Variants in IQGAP1 observed in about 807,000 individuals in gnomAD.
IQGAP1 encodes the protein ras GTPase-activating-like protein IQGAP1.
IQGAP1 carries 66 observed loss-of-function variants against 215.6 expected under a neutral mutation model. The ratio of observed to expected loss-of-function variants is 0.31; its 90% CI spans 0.25 to 0.38. The LOEUF (loss-of-function observed/expected upper bound fraction) is 0.38. Ranked by LOEUF, IQGAP1 falls within the 10% of genes least tolerant of loss-of-function variation. IQGAP1 has a pLI of 1.00. For missense variants in IQGAP1, 1,712 were observed against 1,997.1 expected (o/e 0.86, Z 2.72); for synonymous variants, 772 against 728.7 (o/e 1.06, Z -0.96).
At chr15:90,492,870 A>C (rs1490319507) in intron 35 of IQGAP1, among the ~76,000 whole-genome samples, 159 bp downstream of exon 35, 1 of 152,168 alleles carries the variant, frequency 6.6e-6, no homozygotes, top group Non-Finnish European at 1.5e-5. Flanking sequence ...TAATTGCCTA[A>C]TTCCATTTGT....
At chr15:90,452,997 C>T (rs1965627488) in intron 12 of IQGAP1, 59 bp downstream of exon 12, 1 of 1,584,284 alleles carries the variant, frequency 6.3e-7, no homozygotes, top group Non-Finnish European at 8.6e-7. Context: ...GAGTGTAATA[C>T]CCACTTCTTC....
intron 2 of IQGAP1, among the ~76,000 whole-genome samples, chr15:90,402,530 G>C (rs1302008236): frequency 6.6e-6 from 1 of 152,234 alleles, no homozygotes; most frequent in Admixed American, 6.5e-5. Flanking sequence ...TGTTGGGGCA[G>C]CTGTTTGGGG....
At chr15:90,468,030 A>G (rs2238325) in intron 18 of IQGAP1, among the ~76,000 whole-genome samples, 64,456 of 151,742 alleles carry the variant, frequency 0.42, 15,674 homozygotes, top group African/African-American at 0.69. Flanking sequence ...CTTTGCTTAT[A>G]CTGTTCCATT....
At chr15:90,428,355 G>A (rs539589762) in intron 3 of IQGAP1, among the ~76,000 whole-genome samples, 1 of 152,128 alleles carries the variant, frequency 6.6e-6, no homozygotes, top group African/African-American at 2.4e-5. Flanking sequence ...AGGATTACAG[G>A]CATGAGCCAC....
chr15:90,469,545 G>A (rs1236108769), intron 18 of IQGAP1, among the ~76,000 whole-genome samples: 1 of 152,200 alleles, frequency 6.6e-6, no homozygotes, highest in Non-Finnish European at 1.5e-5. Flanking sequence ...GCATTGAGAA[G>A]ACAGAAATAT....
chr15:90,397,317 A>G (rs1002024598), intron 2 of IQGAP1, among the ~76,000 whole-genome samples: 1 of 152,174 alleles, frequency 6.6e-6, no homozygotes, highest in Non-Finnish European at 1.5e-5. Flanking sequence ...ATGTTGAGAT[A>G]TCTTGCCACA....
intron 2 of IQGAP1, among the ~76,000 whole-genome samples, chr15:90,413,648 C>T (rs2151008389): frequency 6.6e-6 from 1 of 152,144 alleles, no homozygotes; most frequent in East Asian, 1.9e-4. Context: ...GAGCTGGAAC[C>T]AGGTGCCGAT....
At chr15:90,452,656 A>T (rs1475663883) in intron 11 of IQGAP1, 119 bp from the exon 12 acceptor site, 2 of 1,148,610 alleles carry the variant, frequency 1.7e-6, no homozygotes, top group Non-Finnish European at 2.4e-6. Context: ...CGAAAGTTCC[A>T]CTTCAAACTT....
At chr15:90,433,622 AACTG>A in intron 4 of IQGAP1, 93 bp from the exon 5 acceptor site, 1 of 711,788 alleles carries the variant, frequency 1.4e-6, no homozygotes, top group Non-Finnish European at 2.4e-6. Flanking sequence ...GATGTTTTCT[AACTG>A]TCCATAGTTT....
chr15:90,474,496 G>C lies in IQGAP1; in HGVS notation c.2587G>C (p.Asp863His). Reference sequence around the variant, plus strand: ...ATACTTTCTGTCAGTCAATGCTGAGGATCCTCCTATGGTTGTGGTCCGAAA... The same window carrying C: ...ATACTTTCTGTCAGTCAATGCTGAGCATCCTCCTATGGTTGTGGTCCGAAA... ...DDYKTLINAE[D>H]PPMVVVRKFV... The change falls in exon 23 of 38, where the codon GAT (aspartate) becomes CAT (histidine). Residue 863 changes from aspartate to histidine, a missense_variant. This residue lies in a region of IQGAP1 where 1,021 missense variants were observed against 1,074.2 expected (regional missense o/e 0.95). Coordinates refer to ENST00000268182, the MANE Select transcript of IQGAP1 (RefSeq NM_003870.4). 1 of 1,613,686 alleles carries C rather than the reference G, an allele frequency of 6.2e-7. No homozygotes were observed. Among genetic ancestry groups the C allele is most frequent in the South Asian group, 1.1e-5 (1 of 91,062 alleles).
intron 2 of IQGAP1, among the ~76,000 whole-genome samples, chr15:90,405,336 A>G (rs1307241967): frequency 6.6e-6 from 1 of 152,240 alleles, no homozygotes; most frequent in Non-Finnish European, 1.5e-5. Context: ...GCTTTCAAGC[A>G]AGTTATATTG....
At chr15:90,461,132 C>G (rs1211636236) in intron 15 of IQGAP1, among the ~76,000 whole-genome samples, 3 of 151,556 alleles carry the variant, frequency 2.0e-5, no homozygotes, top group Non-Finnish European at 4.4e-5. Flanking sequence ...CATGGTGAAA[C>G]TCCATCTCTA....
intron 4 of IQGAP1, among the ~76,000 whole-genome samples, chr15:90,433,455 A>T (rs1393007579): frequency 6.6e-6 from 1 of 152,188 alleles, no homozygotes; most frequent in East Asian, 1.9e-4. Context: ...CTCACACCTA[A>T]TGAAATTCAG....
At chr15:90,458,533 G>C (rs568334176) in intron 15 of IQGAP1, among the ~76,000 whole-genome samples, 2 of 152,256 alleles carry the variant, frequency 1.3e-5, no homozygotes, top group South Asian at 4.1e-4. Flanking sequence ...ACTACCACTA[G>C]CATACATAGA....
rs1276362322 is a variant in IQGAP1, at chr15:90,444,287, A to ATTTT, written c.913+810_913+811insTTTT. On this transcript the variant is annotated intron_variant, in intron 9 of 37. Coordinates refer to ENST00000268182, the MANE Select transcript of IQGAP1 (RefSeq NM_003870.4). ...TGTGTGTGTGTGTGTGTGTATATATATATTTTTTTTTTTCTTTAAGAGACA... is the reference window on the plus strand; with the variant it reads ...TGTGTGTGTGTGTGTGTGTATATATATTTTTATTTTTTTTTTTCTTTAAGAGACA... Among the ~76,000 whole-genome samples, 74 of 91,068 alleles carry ATTTT rather than the reference A, an allele frequency of 8.1e-4. No homozygotes were observed. In the East Asian group the frequency reaches 8.7e-3, roughly 11 times the overall value. 59.7% of individuals were successfully genotyped at this position (91,068 alleles called of 152,430 possible). A position where few individuals can be genotyped will look rare whatever the true frequency, so the allele number is the denominator to read the frequency against.
intron 1 of IQGAP1, 83 bp from the exon 2 acceptor site, chr15:90,390,691 C>A: frequency 2.2e-6 from 2 of 904,994 alleles, no homozygotes; most frequent in Non-Finnish European, 3.6e-6. Flanking sequence ...AGGTGAGTGG[C>A]AGGAAATTGA....
intron 36 of IQGAP1, 71 bp downstream of exon 36, chr15:90,494,906 T>G: frequency 9.0e-7 from 1 of 1,117,220 alleles, no homozygotes; most frequent in Non-Finnish European, 1.3e-6. Context: ...CCTTTTTGTC[T>G]TCATTTCTCT....
At chr15:90,410,928 A>G (rs1046686390) in intron 2 of IQGAP1, among the ~76,000 whole-genome samples, 1 of 151,916 alleles carries the variant, frequency 6.6e-6, no homozygotes, top group Non-Finnish European at 1.5e-5. Context: ...TCATATCACC[A>G]ATGGCCTAAT....
At chr15:90,439,220 G>A (rs751518162) in intron 5 of IQGAP1, 112 bp from the exon 6 acceptor site, 8 of 638,374 alleles carry the variant, frequency 1.3e-5, no homozygotes, top group Middle Eastern at 8.5e-4. Context: ...GGTACTGGGA[G>A]TCTCAGTGTT....
Sources: allele counts gnomAD v4.1 joint callset (sites outside exome capture counted in the v4.1 genomes callset), GRCh38; gene constraint gnomAD v4.1.1; regional missense constraint gnomAD v4.1.1; transcripts MANE v1.5; gene names NCBI Gene and HGNC (gene_info 2026-07-23, HGNC 2026-07-21).